Variants in EIF3E observed in about 807,000 individuals in gnomAD.
The protein encoded by EIF3E is eIF-3 p48.
In EIF3E, 25 loss-of-function variants were observed where a neutral mutation model predicts 59.3. That is an observed-to-expected ratio of 0.42 (90% CI 0.31 to 0.59). EIF3E has a LOEUF of 0.59. EIF3E is among the 20% of genes least tolerant of loss of function. The pLI is 0.15. For missense variants in EIF3E, 317 were observed against 534.3 expected (o/e 0.59, Z 4.01); for synonymous variants, 176 against 170.2 (o/e 1.03, Z -0.26).
At chr8:108,246,183 C>G (rs555970926) in intron 1 of EIF3E, among the ~76,000 whole-genome samples, 25 of 148,500 alleles carry the variant, frequency 1.7e-4, no homozygotes, top group African/African-American at 5.4e-4. Flanking sequence ...GAAGGGCGAA[C>G]AATTTAAAAC....
rs780569016 is a variant in EIF3E at position 108,203,112 on chromosome 8, A to G, written c.1170T>C (p.His390=). Residue 390 remains histidine, a synonymous_variant, in exon 12 of 13, where the codon CAT becomes CAC. Transcript: ENST00000220849. The part of the protein sequence containing the change: ...LDAKIDSKLG[H]VVMGNNAVSP... ...AGACTGCATTGTTACCCATAACCAC[A>G]TGACCCTAAAAGGAAACACAGGGAA... 5 of 1,611,164 alleles carry G rather than the reference A, an allele frequency of 3.1e-6. No individual in the cohort carries two copies. Among genetic ancestry groups the G allele is most frequent in the East Asian group, 4.5e-5 (2 of 44,796 alleles).
chr8:108,223,037 A>T (rs1452085061), intron 7 of EIF3E, among the ~76,000 whole-genome samples: 1 of 152,182 alleles, frequency 6.6e-6, no homozygotes, highest in Admixed American at 6.5e-5. Flanking sequence ...CCACCAAATT[A>T]AAAATACTTA....
chr8:108,212,757 G>A (rs1029876987), intron 10 of EIF3E, among the ~76,000 whole-genome samples: 3 of 151,990 alleles, frequency 2.0e-5, no homozygotes, highest in Non-Finnish European at 2.9e-5. Flanking sequence ...AGCAGAGATC[G>A]CACCACTATA....
At chr8:108,226,811 A>C (rs1239605658) in intron 7 of EIF3E, among the ~76,000 whole-genome samples, 2 of 152,176 alleles carry the variant, frequency 1.3e-5, no homozygotes, top group Non-Finnish European at 2.9e-5. Context: ...ACAAAGCAAA[A>C]CCCCCCATGA....
chr8:108,224,405 C>T (rs146318862), intron 7 of EIF3E, among the ~76,000 whole-genome samples: 1 of 151,332 alleles, frequency 6.6e-6, no homozygotes, highest in African/African-American at 2.5e-5. Flanking sequence ...AAATGCAAAT[C>T]ACACACAATC....
At chr8:108,209,596 G>A (rs1307039620) in intron 10 of EIF3E, among the ~76,000 whole-genome samples, 1 of 151,960 alleles carries the variant, frequency 6.6e-6, no homozygotes, top group African/African-American at 2.4e-5. Flanking sequence ...TTTCTACCCC[G>A]TGTTTGGCCA....
At chr8:108,202,726 G>A (rs1815017357) in intron 12 of EIF3E, among the ~76,000 whole-genome samples, 1 of 152,004 alleles carries the variant, frequency 6.6e-6, no homozygotes, top group Admixed American at 6.6e-5. Flanking sequence ...ATGAGTTAAT[G>A]AAGTCACACA....
chr8:108,240,334 G>C (rs1815810930), intron 2 of EIF3E, among the ~76,000 whole-genome samples: 5 of 152,092 alleles, frequency 3.3e-5, no homozygotes, highest in Admixed American at 3.3e-4. Context: ...ATACAGCCTT[G>C]GGGTGACAGA....
chr8:108,246,947 T>C (rs1243894138), intron 1 of EIF3E, among the ~76,000 whole-genome samples: 1 of 152,166 alleles, frequency 6.6e-6, no homozygotes. Context: ...ATATATTAAG[T>C]TTTGGGGGAG....
chr8:108,222,368 C>T (rs771738648), intron 7 of EIF3E, among the ~76,000 whole-genome samples: 3 of 152,104 alleles, frequency 2.0e-5, no homozygotes, highest in Non-Finnish European at 4.4e-5. Context: ...TGGCAGACTC[C>T]CTACCTTACA....
At chr8:108,221,039 A>G (rs1815401249) in intron 7 of EIF3E, among the ~76,000 whole-genome samples, 1 of 117,472 alleles carries the variant, frequency 8.5e-6, no homozygotes, top group Admixed American at 7.5e-5. Context: ...GACAGACAGG[A>G]AAGGACAGGA....
chr8:108,227,638 A>T (rs1295397501), intron 7 of EIF3E: 1 of 152,240 alleles, frequency 6.6e-6, no homozygotes, highest in East Asian at 1.9e-4. Context: ...TGAAGGAAGC[A>T]GAGAGGAGTA....
chr8:108,211,922 T>C (rs1156775500), intron 10 of EIF3E, among the ~76,000 whole-genome samples: 3 of 152,244 alleles, frequency 2.0e-5, no homozygotes, highest in African/African-American at 4.8e-5. Flanking sequence ...CTTTATCCTC[T>C]GGCTCAACTG....
intron 10 of EIF3E, among the ~76,000 whole-genome samples, chr8:108,212,045 T>C (rs1458710198): frequency 6.6e-6 from 1 of 152,202 alleles, no homozygotes; most frequent in Non-Finnish European, 1.5e-5. Context: ...ATACCTTTAG[T>C]ACAGGCTCTA....
intron 8 of EIF3E, 46 bp from the exon 9 acceptor site, chr8:108,216,559 T>C: frequency 7.7e-7 from 1 of 1,306,738 alleles, no homozygotes; most frequent in Admixed American, 2.0e-5. Context: ...TTCAACATTG[T>C]TTAGCAGATT....
At chr8:108,214,569 T>C (rs1815268022) in intron 10 of EIF3E, 38 bp downstream of exon 10, 2 of 1,429,840 alleles carry the variant, frequency 1.4e-6, no homozygotes, top group South Asian at 1.5e-5. Context: ...CCAGGAATTT[T>C]AAAGTAGAAA....
chr8:108,215,229 C>T (rs558459711), intron 9 of EIF3E, among the ~76,000 whole-genome samples: 11 of 152,102 alleles, frequency 7.2e-5, no homozygotes, highest in East Asian at 1.9e-4. Flanking sequence ...AATGAATATA[C>T]GCCAATATTT....
intron 7 of EIF3E, among the ~76,000 whole-genome samples, chr8:108,225,863 C>T (rs1163016670): frequency 6.8e-6 from 1 of 146,672 alleles, no homozygotes; most frequent in Non-Finnish European, 1.5e-5. Flanking sequence ...TGTCACTCTT[C>T]TCACTAATTT....
intron 6 of EIF3E, 91 bp downstream of exon 6, chr8:108,228,979 A>T (rs2129896985): frequency 1.5e-6 from 2 of 1,317,302 alleles, no homozygotes; most frequent in Non-Finnish European, 9.9e-7. Context: ...TTTTTTTTTT[A>T]ATTCCCAAAA....
Sources: gnomAD v4.1 joint callset for allele counts (sites outside exome capture counted in the v4.1 genomes callset) on GRCh38, gnomAD v4.1.1 for gene constraint, MANE v1.5 for transcripts, NCBI Gene and HGNC (gene_info 2026-07-23, HGNC 2026-07-21) for gene names.